KCNA2: variants seen among roughly 807,000 people sequenced by gnomAD.
The protein encoded by KCNA2 is potassium voltage-gated channel subfamily A member 2.
In KCNA2, 11 loss-of-function variants were observed where a neutral mutation model predicts 33.4. The observed-to-expected ratio is 0.33, with a 90% confidence interval of 0.21 to 0.55. The LOEUF (loss-of-function observed/expected upper bound fraction) is 0.55, where lower values mean the gene tolerates loss of function less well. Among genes scored for constraint, KCNA2 ranks in the 20% least tolerant of loss-of-function variants. The probability of loss-of-function intolerance (pLI) is 0.93; values close to 1 mark genes in which losing one functional copy is unlikely to be tolerated. For missense variants in KCNA2, 291 were observed against 621.6 expected, an observed-to-expected ratio of 0.47 and a Z score of 5.66; for synonymous variants, 222 against 231.3, an observed-to-expected ratio of 0.96 and a Z score of 0.37.
chr1:110,601,848 G>T lies in KCNA2; in HGVS notation c.*1435C>A. The T allele has an allele frequency of 7.1e-7, 1 of 1,399,500 alleles. No individual in the cohort carries two copies. The highest frequency in any genetic ancestry group is 9.2e-7 in the Non-Finnish European group (1 of 1,081,758). The allele number at this position is 1,399,500 out of a possible 1,614,324, so 86.7% of individuals were successfully genotyped here. ...TGTGTGTATACATATACACACATAT[G>T]TATGTATATATATACACCCTAGTGC... On this transcript the variant is annotated 3_prime_UTR_variant, in exon 3 of 3. Transcript: ENST00000316361.
At chr1:110,618,556 A>G (rs1346834406) in intron 1 of KCNA2, among the ~76,000 whole-genome samples, 2 of 152,140 alleles carry the variant, frequency 1.3e-5, no homozygotes, top group African/African-American at 4.8e-5. Context: ...TCAGATGGGA[A>G]AAAGACCCAG....
At position 110,602,270 on chromosome 1, in the gene KCNA2, T is replaced by C; in HGVS notation, c.*1013A>G. 1 of 1,510,734 alleles carries C rather than the reference T, an allele frequency of 6.6e-7. No homozygotes were observed. The highest frequency in any genetic ancestry group is 2.5e-5 in the East Asian group (1 of 40,638). 93.6% of individuals were successfully genotyped at this position (1,510,734 alleles called of 1,614,324 possible). On this transcript the variant is annotated 3_prime_UTR_variant, in exon 3 of 3. Transcript: ENST00000316361. ...TCCCCTGATGGAGGGATTTTTGCCT[T>C]CTGATGGGAAAAAAACCCCTAGTTC...
At position 110,601,772 on chromosome 1, in the gene KCNA2, A is replaced by C; in HGVS notation, c.*1511T>G. 1.7e-6 allele frequency: 2 copies of C among 1,196,190 alleles called. No homozygotes were observed. The highest frequency in any genetic ancestry group is 2.1e-6 in the Non-Finnish European group (2 of 968,704). The allele number at this position is 1,196,190 out of a possible 1,614,324, so 74.1% of individuals were successfully genotyped here. ...TTTGCTCCTGAACCTGAACTCCAGA[A>C]AATGAATATATATATATATATATGT... is the stretch of plus-strand genomic sequence containing the variant. On this transcript the variant is annotated 3_prime_UTR_variant, in exon 3 of 3. Transcript: ENST00000316361.
In KCNA2 at chr1:110,602,934, G is replaced by A; in HGVS notation, c.*349C>T. 9.4e-7 allele frequency: 1 copy of A among 1,064,272 alleles called. No homozygotes were observed. Among genetic ancestry groups the A allele is most frequent in the Non-Finnish European group, 1.1e-6 (1 of 881,612 alleles). 65.9% of individuals were successfully genotyped at this position (1,064,272 alleles called of 1,614,324 possible). On this transcript the variant is annotated 3_prime_UTR_variant, in exon 3 of 3. Transcript: ENST00000316361. ...AGGTGGTGGGATGGTGGGGAGGGGA[G>A]TGCATCTCTTGGATGTTGTGTGCAT...
chr1:110,617,619 T>G (rs1348200621), intron 1 of KCNA2, among the ~76,000 whole-genome samples: 1 of 152,170 alleles, frequency 6.6e-6, no homozygotes, highest in Non-Finnish European at 1.5e-5. Flanking sequence ...CTCAGGCCAT[T>G]TGTTCAATAG....
At chr1:110,623,693 C>G (rs186787517) in intron 1 of KCNA2, among the ~76,000 whole-genome samples, 1 of 152,280 alleles carries the variant, frequency 6.6e-6, no homozygotes, top group East Asian at 1.9e-4. Context: ...CTGCACCTGG[C>G]CCTCTCTGCT....
At chr1:110,615,484 T>A (rs145665590) in intron 1 of KCNA2, among the ~76,000 whole-genome samples, 1 of 152,326 alleles carries the variant, frequency 6.6e-6, no homozygotes, top group East Asian at 1.9e-4. Flanking sequence ...CTAAGTCCCC[T>A]ACTCCCAAAC....
At position 110,597,038 on chromosome 1, in the gene KCNA2, C is replaced by T. The variant is rs1649126132; in HGVS notation, c.*6245G>A. ...TATTTCACTAATGTCATGCCCTAAC[C>T]ACCCAAACTTCTATCCCTGTAGACT... is the stretch of plus-strand genomic sequence containing the variant. On this transcript the variant is annotated 3_prime_UTR_variant, in exon 3 of 3. Transcript: ENST00000316361. The T allele has an allele frequency of 5.1e-6, 5 of 985,330 alleles. No homozygotes were observed. The highest frequency in any genetic ancestry group is 6.0e-6 in the Non-Finnish European group (5 of 829,950). 61.0% of individuals were successfully genotyped at this position (985,330 alleles called of 1,614,324 possible).
rs116111724 is a variant in KCNA2, at chr1:110,604,570, G to A, written c.213C>T (p.Pro71=). The change falls in exon 3 of 3, where the codon CCC becomes CCT. Residue 71 remains proline (P), a synonymous_variant. Transcript: ENST00000316361. The surrounding 1 kb of genome is among the most constrained non-coding windows in gnomAD (Gnocchi z 7.6). ...DPKKRMRYFD[P]LRNEYFFDRN... The stretch of plus-strand genomic sequence containing the variant: ...GATCGAAAAAGTACTCATTTCGGAG[G>A]GGGTCAAAGTACCTCATTCGTTTCT... 197 of 1,614,192 alleles carry A rather than the reference G, an allele frequency of 1.2e-4. No individual in the cohort carries two copies. In the African/African-American group the frequency reaches 2.5e-3, roughly 21 times the overall value.
intron 1 of KCNA2, among the ~76,000 whole-genome samples, chr1:110,625,626 C>T (rs1440536953): frequency 6.6e-6 from 1 of 151,952 alleles, no homozygotes; most frequent in East Asian, 1.9e-4. Flanking sequence ...AAAACTTTTG[C>T]ACAGTAAAAA....
At chr1:110,624,924 T>C (rs1171268876) in intron 1 of KCNA2, among the ~76,000 whole-genome samples, 1 of 152,156 alleles carries the variant, frequency 6.6e-6, no homozygotes, top group African/African-American at 2.4e-5. Context: ...TCTTTATAGG[T>C]CCTACAGCCA....
At position 110,601,024 on chromosome 1, in the gene KCNA2, G is replaced by T. The variant is rs963867106; in HGVS notation, c.*2259C>A. 8.1e-6 allele frequency: 8 copies of T among 985,424 alleles called. No homozygotes were observed. In the African/African-American group the frequency reaches 1.4e-4, roughly 17 times the overall value. 61.0% of individuals were successfully genotyped at this position (985,424 alleles called of 1,614,324 possible). On this transcript the variant is annotated 3_prime_UTR_variant, in exon 3 of 3. Coordinates refer to ENST00000316361, the MANE Select transcript of KCNA2 (RefSeq NM_004974.4). Reference sequence around the variant, plus strand: ...TCAAAAGGCAAAGACGCCCAGTCTGGTGAGTTAAAAGCCCCCTACCTGAAG... The same window carrying T: ...TCAAAAGGCAAAGACGCCCAGTCTGTTGAGTTAAAAGCCCCCTACCTGAAG...
Position 110,595,056 on chromosome 1 carries a change from G to A in KCNA2, c.*8227C>T, listed in dbSNP as rs1206868903. On this transcript the variant is annotated 3_prime_UTR_variant, in exon 3 of 3. Transcript: ENST00000316361. ...AGGGAATCATTTTCAAGGAGAAGCA[G>A]GGCTTAGAGGCCTCTCACAGAGACT... The A allele has an allele frequency of 1.0e-6, 1 of 985,222 alleles. No individual in the cohort carries two copies. The highest frequency in any genetic ancestry group is 1.2e-6 in the Non-Finnish European group (1 of 829,932). The allele number at this position is 985,222 out of a possible 1,614,324, so 61.0% of individuals were successfully genotyped here.
intron 1 of KCNA2, among the ~76,000 whole-genome samples, chr1:110,625,741 C>A (rs1650372375): frequency 6.6e-6 from 1 of 151,938 alleles, no homozygotes; most frequent in East Asian, 1.9e-4. Context: ...TGAAAGAAGT[C>A]AATAAGGTAA....
rs1410715494 is a variant in KCNA2, at chr1:110,597,409, C to T, written c.*5874G>A. 3 of 985,304 alleles carry T rather than the reference C, an allele frequency of 3.0e-6. No individual in the cohort carries two copies. Among genetic ancestry groups the T allele is most frequent in the Non-Finnish European group, 3.6e-6 (3 of 829,944 alleles). The allele number at this position is 985,304 out of a possible 1,614,324, so 61.0% of individuals were successfully genotyped here. On this transcript the variant is annotated 3_prime_UTR_variant, in exon 3 of 3. Coordinates refer to ENST00000316361, the MANE Select transcript of KCNA2 (RefSeq NM_004974.4). ...TCAACAAAATGGGCTGAAAAGGTCA[C>T]ACAAACTTAGGATTTTCATGCCTAG...
chr1:110,622,633 A>G (rs59021763), intron 1 of KCNA2, among the ~76,000 whole-genome samples: 9,826 of 152,204 alleles, frequency 0.065, 1,060 homozygotes, highest in African/African-American at 0.22. Context: ...TTCATAAGTG[A>G]GTTTAGAGAG....
At position 110,599,179 on chromosome 1, in the gene KCNA2, G is replaced by A. The variant is rs1649231194; in HGVS notation, c.*4104C>T. On this transcript the variant is annotated 3_prime_UTR_variant, in exon 3 of 3. Transcript: ENST00000316361. ...AATCAGGAGTGAGGCCTGATCCAAAGCCTGACTGCAACTCTTTACTTCCGA... is the reference window on the plus strand; with the variant it reads ...AATCAGGAGTGAGGCCTGATCCAAAACCTGACTGCAACTCTTTACTTCCGA... 1.0e-6 allele frequency: 1 copy of A among 985,322 alleles called. No homozygotes were observed. Among genetic ancestry groups the A allele is most frequent in the African/African-American group, 1.7e-5 (1 of 57,228 alleles). The allele number at this position is 985,322 out of a possible 1,614,324, so 61.0% of individuals were successfully genotyped here.
At chr1:110,626,172 T>C (rs1318536828) in intron 1 of KCNA2, among the ~76,000 whole-genome samples, 1 of 152,222 alleles carries the variant, frequency 6.6e-6, no homozygotes, top group African/African-American at 2.4e-5. Flanking sequence ...CTGCATGATC[T>C]GTAATAGTAA....
At position 110,598,646 on chromosome 1, in the gene KCNA2, G is replaced by T; in HGVS notation, c.*4637C>A. On this transcript the variant is annotated 3_prime_UTR_variant, in exon 3 of 3. Transcript: ENST00000316361. ...TTCCATGGGAGCCCTTTCCATACTA[G>T]GCTAACGCAATCTAGAGGCACACTC... 1.0e-6 allele frequency: 1 copy of T among 985,200 alleles called. No homozygotes were observed. The allele number at this position is 985,200 out of a possible 1,614,324, so 61.0% of individuals were successfully genotyped here.
Sources: allele counts gnomAD v4.1 joint callset (sites outside exome capture counted in the v4.1 genomes callset), GRCh38; gene constraint gnomAD v4.1.1; non-coding constraint Gnocchi (gnomAD v3.1); transcripts MANE v1.5; gene names NCBI Gene and HGNC (gene_info 2026-07-23, HGNC 2026-07-21).